The following EZH2 variants were observed in gnomAD, a reference collection of about 807,000 sequenced individuals.
EZH2 encodes the protein histone-lysine N-methyltransferase EZH2.
EZH2 carries 18 observed loss-of-function variants against 98.4 expected under a neutral mutation model. The ratio of observed to expected loss-of-function variants is 0.18; its 90% CI spans 0.13 to 0.27. The LOEUF (loss-of-function observed/expected upper bound fraction) is 0.27. Ranked by LOEUF, EZH2 falls within the 10% of genes least tolerant of loss-of-function variation. The pLI is 1.00. For missense variants in EZH2, 470 were observed against 935.1 expected, an observed-to-expected ratio of 0.50 and a Z score of 6.49; for synonymous variants, 338 against 312.3, an observed-to-expected ratio of 1.08 and a Z score of -0.87.
intron 1 of EZH2, among the ~76,000 whole-genome samples, chr7:148,858,754 C>T (rs1398448903): frequency 6.6e-6 from 1 of 152,004 alleles, no homozygotes; most frequent in African/African-American, 2.4e-5. Flanking sequence ...CTGGTAATTC[C>T]ACTGTTTTAA....
chr7:148,859,027 GAA>G (rs1338215459), intron 1 of EZH2, among the ~76,000 whole-genome samples: 1 of 152,182 alleles, frequency 6.6e-6, no homozygotes, highest in Non-Finnish European at 1.5e-5. Context: ...ACACAACTCA[GAA>G]AAGAGTATTT....
chr7:148,842,638 T>C (rs956165413), intron 3 of EZH2, among the ~76,000 whole-genome samples: 2 of 152,184 alleles, frequency 1.3e-5, no homozygotes, highest in East Asian at 1.9e-4. Context: ...AAAACAGATA[T>C]AGTCACTGTC....
chr7:148,819,971 T>G (rs1230975999), intron 8 of EZH2, among the ~76,000 whole-genome samples: 4 of 152,202 alleles, frequency 2.6e-5, no homozygotes. Flanking sequence ...ATAACTATGG[T>G]TATAAACATT....
intron 19 of EZH2, among the ~76,000 whole-genome samples, 160 bp from the exon 20 acceptor site, chr7:148,807,866 C>T (rs576018948): frequency 1.3e-5 from 2 of 150,320 alleles, no homozygotes; most frequent in South Asian, 2.1e-4. Flanking sequence ...GCCTGCATAA[C>T]GGCACATTCA....
chr7:148,881,105 G>A (rs568090186), intron 1 of EZH2, among the ~76,000 whole-genome samples: 1 of 152,284 alleles, frequency 6.6e-6, no homozygotes, highest in South Asian at 2.1e-4. Context: ...AATCTATCAT[G>A]ATTTACAGAA....
chr7:148,813,777 A>AACTGAAGAG (rs2129469706), intron 15 of EZH2, among the ~76,000 whole-genome samples, 182 bp downstream of exon 15: 1 of 152,270 alleles, frequency 6.6e-6, no homozygotes, highest in African/African-American at 2.4e-5. Context: ...CTCTATATAA[A>AACTGAAGAG]ACTGAAGAGA....
At chr7:148,883,829 C>T (rs557463493) in intron 1 of EZH2, among the ~76,000 whole-genome samples, 1 of 152,026 alleles carries the variant, frequency 6.6e-6, no homozygotes, top group Admixed American at 6.5e-5. Context: ...GACCGGGCAC[C>T]GGAACGCCCC....
chr7:148,873,529 C>A (rs1201115202), intron 1 of EZH2, among the ~76,000 whole-genome samples: 1 of 135,154 alleles, frequency 7.4e-6, no homozygotes, highest in African/African-American at 2.7e-5. Context: ...ATTGTAAGAT[C>A]AGTTTGCAGA....
intron 1 of EZH2, among the ~76,000 whole-genome samples, chr7:148,856,857 A>T (rs1816905375): frequency 6.6e-6 from 1 of 152,244 alleles, no homozygotes; most frequent in Admixed American, 6.5e-5. Flanking sequence ...CTCTCCTGAC[A>T]AGAATTCCAA....
At chr7:148,836,006 CCT>C (rs1021399180) in intron 3 of EZH2, among the ~76,000 whole-genome samples, 3 of 152,198 alleles carry the variant, frequency 2.0e-5, no homozygotes, top group African/African-American at 7.2e-5. Context: ...CAGTCCCATA[CCT>C]CTGTCATACC....
intron 1 of EZH2, among the ~76,000 whole-genome samples, chr7:148,847,827 T>G (rs9691534): frequency 1.3e-5 from 2 of 152,168 alleles, no homozygotes; most frequent in Non-Finnish European, 2.9e-5. Flanking sequence ...ACACACTTAA[T>G]CATGCACCTC....
intron 19 of EZH2, among the ~76,000 whole-genome samples, chr7:148,808,760 C>T (rs1020242867): frequency 6.6e-5 from 10 of 152,258 alleles, no homozygotes; most frequent in East Asian, 1.9e-4. Context: ...ATCTGGAAAA[C>T]GCTCCACGAG....
At chr7:148,816,888 G>A in intron 11 of EZH2, 110 bp from the exon 12 acceptor site, 3 of 761,002 alleles carry the variant, frequency 3.9e-6, no homozygotes, top group Non-Finnish European at 6.9e-6. Flanking sequence ...GACACTGCTA[G>A]ATGCTGGGGA....
chr7:148,810,109 G>A (rs1802613378), intron 17 of EZH2: 2 of 418,958 alleles, frequency 4.8e-6, no homozygotes, highest in Admixed American at 6.7e-5. Context: ...GCCACCCACA[G>A]ACAGCCGGGA....
chr7:148,817,111 A>C (rs1459219894), intron 11 of EZH2, 111 bp downstream of exon 11: 1 of 977,146 alleles, frequency 1.0e-6, no homozygotes, highest in Non-Finnish European at 1.4e-6. Context: ...TATTTTTAGG[A>C]GATGAATAGG....
chr7:148,882,336 A>C (rs541546604), intron 1 of EZH2, among the ~76,000 whole-genome samples: 1 of 152,302 alleles, frequency 6.6e-6, no homozygotes, highest in African/African-American at 2.4e-5. Context: ...GTTTTCTTGG[A>C]ATATATTCAC....
chr7:148,810,946 G>A (rs1189788584), intron 16 of EZH2, among the ~76,000 whole-genome samples: 1 of 148,846 alleles, frequency 6.7e-6, no homozygotes, highest in Non-Finnish European at 1.5e-5. Context: ...GTTCCAAACT[G>A]AAGCTAGGCC....
intron 3 of EZH2, among the ~76,000 whole-genome samples, chr7:148,834,382 C>CACACACAT (rs1810333254): frequency 3.6e-5 from 5 of 137,772 alleles, no homozygotes; most frequent in African/African-American, 1.4e-4. Flanking sequence ...CACACACACA[C>CACACACAT]ATATTAAATG....
intron 16 of EZH2, 110 bp from the exon 17 acceptor site, chr7:148,810,524 A>C (rs890351559): frequency 1.1e-5 from 7 of 647,736 alleles, no homozygotes; most frequent in East Asian, 5.3e-5. Flanking sequence ...AAAACGCAAC[A>C]AAAAGGGTCA....
Sources: gnomAD v4.1 joint callset for allele counts (sites outside exome capture counted in the v4.1 genomes callset) on GRCh38, gnomAD v4.1.1 for gene constraint, MANE v1.5 for transcripts, NCBI Gene and HGNC (gene_info 2026-07-23, HGNC 2026-07-21) for gene names.